NAE1: variants seen among roughly 807,000 people sequenced by gnomAD.
NAE1 encodes the protein NEDD8 activating enzyme E1 subunit 1.
Under a neutral mutation model 88.0 loss-of-function variants are expected in NAE1, and 59 were observed. The observed-to-expected ratio is 0.67, with a 90% CI of 0.54 to 0.83. The LOEUF is 0.83. NAE1 is among the 40% of genes least tolerant of loss of function. The probability of loss-of-function intolerance (pLI) is 0.00; values close to 1 mark genes in which losing one functional copy is unlikely to be tolerated. For missense variants in NAE1, 554 were observed against 632.8 expected (o/e 0.88, Z 1.34); for synonymous variants, 186 against 208.9 (o/e 0.89, Z 0.95).
chr16:66,805,603 A>T, intron 19 of NAE1, 174 bp downstream of exon 19: 1 of 486,836 alleles, frequency 2.1e-6, no homozygotes, highest in Non-Finnish European at 3.3e-6. Context: ...GCATCAATAC[A>T]CTCCAACCTG....
chr16:66,830,710 T>C (rs1165525166), intron 1 of NAE1, 137 bp downstream of exon 1: 2 of 786,064 alleles, frequency 2.5e-6, no homozygotes, highest in African/African-American at 1.9e-5. Flanking sequence ...AGCGCCGGCT[T>C]CCCGCGCCCC....
intron 4 of NAE1, 85 bp downstream of exon 4, chr16:66,824,770 T>G: frequency 8.0e-7 from 1 of 1,251,278 alleles, no homozygotes; most frequent in Non-Finnish European, 1.1e-6. Context: ...ATAATACACG[T>G]TTTTAAAGTC....
chr16:66,815,648 C>T (rs957780801), intron 11 of NAE1, among the ~76,000 whole-genome samples: 36 of 151,628 alleles, frequency 2.4e-4, no homozygotes, highest in African/African-American at 8.2e-4. Flanking sequence ...GCCACCACAC[C>T]TGGCCAGCAA....
intron 15 of NAE1, 113 bp downstream of exon 15, chr16:66,810,261 T>C: frequency 1.2e-6 from 1 of 809,054 alleles, no homozygotes; most frequent in Non-Finnish European, 2.1e-6. Context: ...TCTATATCTA[T>C]ATCACTGAGG....
At position 66,823,570 on chromosome 16, in the gene NAE1, G is replaced by C. The variant is rs1370133170; in HGVS notation, c.280C>G (p.Gln94Glu). The C allele has an allele frequency of 5.0e-6, 8 of 1,609,296 alleles. No homozygotes were observed. The African/African-American group carries it at 1.1e-4, about 22-fold the overall frequency. ...CCAGAGACATCGCTATTTAATTCTT[G>C]TAAGAATTCCATGGCAGCTTCAGCT... is the stretch of plus-strand genomic sequence containing the variant. ...NRAEAAMEFLQELNSDVSGSF... is the reference protein window; with the variant it reads ...NRAEAAMEFLEELNSDVSGSF... Residue 94 changes from glutamine to glutamate, a missense_variant, in exon 5 of 20, where the codon CAA becomes GAA. Gln to Glu is a conservative substitution (Grantham distance 29). Coordinates refer to ENST00000290810, the MANE Select transcript of NAE1 (RefSeq NM_003905.4).
chr16:66,828,490 CAAAAAAA>C (rs1323582340), intron 1 of NAE1, among the ~76,000 whole-genome samples: 4 of 60,098 alleles, frequency 6.7e-5, no homozygotes, highest in Non-Finnish European at 1.4e-4. Flanking sequence ...GACTCCGTCT[CAAAAAAA>C]AAAAAAAAAA....
Position 66,803,086 on chromosome 16 carries a change from T to C in NAE1, c.1528A>G (p.Thr510Ala). Residue 510 changes from threonine to alanine, a missense_variant, in exon 20 of 20, where the codon ACC becomes GCC. Coordinates refer to ENST00000290810, the MANE Select transcript of NAE1 (RefSeq NM_003905.4). Reference sequence around the variant, plus strand: ...TTATTAAAAATTACAAATTGTTTGGTGATTATTTTGATGACCTCTTGAGCA... The same window carrying C: ...TTATTAAAAATTACAAATTGTTTGGCGATTATTTTGATGACCTCTTGAGCA... ...AAAQEVIKII[T>A]KQFVIFNNTY... The C allele has an allele frequency of 2.5e-6, 4 of 1,611,684 alleles. No homozygotes were observed. The highest frequency in any genetic ancestry group is 3.4e-6 in the Non-Finnish European group (4 of 1,178,684).
intron 15 of NAE1, 117 bp downstream of exon 15, chr16:66,810,252 CTATAT>C (rs1959739542): frequency 1.4e-6 from 1 of 718,128 alleles, no homozygotes; most frequent in South Asian, 2.0e-5. Context: ...CAATAATTAT[CTATAT>C]CTATATCACT....
In NAE1 at chr16:66,809,086, GA is replaced by G; in HGVS notation, c.1151-12del. The G allele has an allele frequency of 6.3e-7, 1 of 1,597,908 alleles. No homozygotes were observed. The highest frequency in any genetic ancestry group is 8.6e-7 in the Non-Finnish European group (1 of 1,168,736). ...ATGCAGAATTGCTGCCTGAACAGAG[GA>G]AAGATATTCTGGAAGTAATGACTGT... On this transcript the variant is annotated splice_polypyrimidine_tract_variant and intron_variant, in intron 15 of 19. Transcript: ENST00000290810.
intron 10 of NAE1, 28 bp downstream of exon 10, chr16:66,816,937 T>A: frequency 6.4e-7 from 1 of 1,573,342 alleles, no homozygotes; most frequent in Non-Finnish European, 8.5e-7. Context: ...TCAAGCTTTA[T>A]ACAGTATTTA....
At chr16:66,810,224 G>GA (rs369875401) in intron 15 of NAE1, 150 bp downstream of exon 15, 19,535 of 551,848 alleles carry the variant, frequency 0.035, 138 homozygotes, top group South Asian at 0.12. Flanking sequence ...ATTATGAGAG[G>GA]AAAAAAAAAA....
chr16:66,828,994 A>C (rs1245062763), intron 1 of NAE1, among the ~76,000 whole-genome samples: 2 of 151,920 alleles, frequency 1.3e-5, no homozygotes, highest in Non-Finnish European at 1.5e-5. Context: ...GTCCCTGAAA[A>C]AAAAAAAAAA....
At chr16:66,816,749 G>C (rs1960058091) in intron 10 of NAE1, 77 bp from the exon 11 acceptor site, 1 of 1,307,186 alleles carries the variant, frequency 7.7e-7, no homozygotes, top group East Asian at 2.4e-5. Context: ...AAATAACCTT[G>C]TCAGATCCTG....
intron 1 of NAE1, 29 bp downstream of exon 1, chr16:66,830,818 C>T (rs1206023043): frequency 3.3e-6 from 5 of 1,510,082 alleles, no homozygotes; most frequent in Non-Finnish European, 3.5e-6. Flanking sequence ...CCCGCCGGCC[C>T]GCCCTCGGCT....
intron 19 of NAE1, among the ~76,000 whole-genome samples, chr16:66,804,455 G>C (rs2145305666): frequency 6.6e-6 from 1 of 152,242 alleles, no homozygotes; most frequent in South Asian, 2.1e-4. Context: ...TTCTGAATCA[G>C]GCTTTAATTT....
rs1960257476 is a variant in NAE1, at chr16:66,821,497, G to A, written c.464C>T (p.Thr155Ile). ...NSQIPLLICR[T>I]YGLVGYMRII... ...CCTCATATAACCAACTAGTCCATAT[G>A]TCCTACAGATCAAAAGAGGAATCTG... Residue 155 changes from threonine (T) to isoleucine (I), a missense_variant, in exon 7 of 20, where the codon ACA (threonine) becomes ATA (isoleucine). Physicochemically the swap from Thr to Ile is moderately conservative, Grantham distance 89 (BLOSUM62 -1). Coordinates refer to ENST00000290810, the MANE Select transcript of NAE1 (RefSeq NM_003905.4). 2 of 1,603,396 alleles carry A rather than the reference G, an allele frequency of 1.2e-6. No individual in the cohort carries two copies. The highest frequency in any genetic ancestry group is 1.7e-6 in the Non-Finnish European group (2 of 1,175,858).
intron 4 of NAE1, among the ~76,000 whole-genome samples, chr16:66,823,907 A>T (rs145764428): frequency 6.6e-6 from 1 of 152,192 alleles, no homozygotes; most frequent in East Asian, 1.9e-4. Context: ...AATTTTTTAA[A>T]AAAATATTTT....
intron 4 of NAE1, 50 bp from the exon 5 acceptor site, chr16:66,823,650 A>G (rs1455614870): frequency 2.7e-6 from 4 of 1,455,798 alleles, no homozygotes; most frequent in African/African-American, 2.9e-5. Context: ...CTTGGTCACA[A>G]TATAATCCCC....
intron 1 of NAE1, chr16:66,828,112 TCTCCA>T: frequency 6.6e-7 from 1 of 1,521,276 alleles, no homozygotes. Flanking sequence ...ACGCCTGTTT[TCTCCA>T]TCAAAGTATG....
Sources: gnomAD v4.1 joint callset for allele counts (sites outside exome capture counted in the v4.1 genomes callset) on GRCh38, gnomAD v4.1.1 for gene constraint, MANE v1.5 for transcripts, NCBI Gene and HGNC (gene_info 2026-07-23, HGNC 2026-07-21) for gene names.